ENTREP2: variants seen among roughly 807,000 people sequenced by gnomAD.
ENTREP2 encodes protein ENTREP2.
the ENTREP2 span, among the ~76,000 whole-genome samples, chr15:29,254,575 C>G: frequency 6.6e-6 from 1 of 151,150 alleles, no homozygotes; most frequent in Non-Finnish European, 1.5e-5. Flanking sequence ...AAGCTGATTC[C>G]CGGCCAGGCG....
the ENTREP2 span, among the ~76,000 whole-genome samples, chr15:29,153,203 T>A: frequency 1.3e-5 from 2 of 152,152 alleles, 1 homozygote; most frequent in African/African-American, 4.8e-5. Context: ...AGGTACTAGT[T>A]CTTTGTCAGA....
At chr15:29,402,576 C>T in the ENTREP2 span, among the ~76,000 whole-genome samples, 1 of 152,118 alleles carries the variant, frequency 6.6e-6, no homozygotes, top group Non-Finnish European at 1.5e-5. Flanking sequence ...TCCCAAAGTG[C>T]TGAGATTAAA....
the ENTREP2 span, among the ~76,000 whole-genome samples, chr15:29,456,160 G>T: frequency 6.6e-6 from 1 of 152,084 alleles, no homozygotes; most frequent in Non-Finnish European, 1.5e-5. Context: ...TGCCCAAAAG[G>T]CTGGAGACTG....
chr15:29,524,083 AAGAC>A, the ENTREP2 span, among the ~76,000 whole-genome samples: 1 of 152,194 alleles, frequency 6.6e-6, no homozygotes, highest in African/African-American at 2.4e-5. Flanking sequence ...TCAAGAAAGA[AAGAC>A]AATCTACAAA....
At chr15:29,581,548 C>T in the ENTREP2 span, among the ~76,000 whole-genome samples, 2 of 152,056 alleles carry the variant, frequency 1.3e-5, no homozygotes, top group Non-Finnish European at 2.9e-5. Flanking sequence ...AAAGTTGACA[C>T]AAAATTAATC....
At chr15:29,431,436 G>T in the ENTREP2 span, among the ~76,000 whole-genome samples, 1 of 151,670 alleles carries the variant, frequency 6.6e-6, no homozygotes, top group African/African-American at 2.4e-5. Flanking sequence ...TCCTAAAACT[G>T]TAATTTTATT....
At chr15:29,544,096 C>A in the ENTREP2 span, among the ~76,000 whole-genome samples, 190 of 152,052 alleles carry the variant, frequency 1.2e-3, 1 homozygote, top group South Asian at 0.014. Context: ...GTATTCCATA[C>A]ATGTAAATAT....
chr15:29,668,267 C>T, the ENTREP2 span, among the ~76,000 whole-genome samples: 2 of 152,160 alleles, frequency 1.3e-5, no homozygotes, highest in Non-Finnish European at 2.9e-5. Context: ...TCCGGGGAAA[C>T]GCAACAGAAA....
At chr15:29,477,080 A>C in the ENTREP2 span, among the ~76,000 whole-genome samples, 1 of 152,212 alleles carries the variant, frequency 6.6e-6, no homozygotes, top group East Asian at 1.9e-4. Context: ...TACAGCAATA[A>C]ACATGAATGA....
At chr15:29,155,314 T>G in the ENTREP2 span, among the ~76,000 whole-genome samples, 15 of 150,878 alleles carry the variant, frequency 9.9e-5, no homozygotes, top group Admixed American at 3.3e-4. Flanking sequence ...GAAGAAGCGT[T>G]AGGCAGAACC....
At chr15:29,297,877 A>T in the ENTREP2 span, among the ~76,000 whole-genome samples, 1 of 152,236 alleles carries the variant, frequency 6.6e-6, no homozygotes, top group Middle Eastern at 3.2e-3. Context: ...AGACTTTAAA[A>T]AAATCCAACA....
At chr15:29,151,379 A>G in the ENTREP2 span, among the ~76,000 whole-genome samples, 1 of 152,184 alleles carries the variant, frequency 6.6e-6, no homozygotes, top group Admixed American at 6.5e-5. Context: ...CCCGGATTAA[A>G]AGAGAATTCT....
the ENTREP2 span, among the ~76,000 whole-genome samples, chr15:29,419,047 T>C: frequency 6.6e-6 from 1 of 152,104 alleles, no homozygotes; most frequent in African/African-American, 2.4e-5. Context: ...TATAGAAGAC[T>C]CTCATTTGAA....
At chr15:29,524,587 G>A in the ENTREP2 span, among the ~76,000 whole-genome samples, 59 of 152,314 alleles carry the variant, frequency 3.9e-4, no homozygotes, top group Admixed American at 1.6e-3. Context: ...GGAACCCAGC[G>A]ACTAGTGTTC....
At chr15:29,236,492 A>C in the ENTREP2 span, among the ~76,000 whole-genome samples, 1 of 151,948 alleles carries the variant, frequency 6.6e-6, no homozygotes, top group African/African-American at 2.4e-5. Context: ...AAAACATAAA[A>C]AAAAAAAGTA....
chr15:29,486,748 C>A, the ENTREP2 span, among the ~76,000 whole-genome samples: 2 of 151,970 alleles, frequency 1.3e-5, no homozygotes, highest in African/African-American at 4.8e-5. Flanking sequence ...CACAGATCAG[C>A]CTGAAGGATA....
At chr15:29,301,067 T>G in the ENTREP2 span, among the ~76,000 whole-genome samples, 1 of 150,574 alleles carries the variant, frequency 6.6e-6, no homozygotes, top group Non-Finnish European at 1.5e-5. Context: ...GATGCCTTAC[T>G]TTTCCATTTA....
chr15:29,337,579 G>A, the ENTREP2 span, among the ~76,000 whole-genome samples: 1 of 152,310 alleles, frequency 6.6e-6, no homozygotes, highest in South Asian at 2.1e-4. Context: ...CCTAGAGAGC[G>A]TGGTCCAAGA....
the ENTREP2 span, among the ~76,000 whole-genome samples, chr15:29,156,111 T>C: frequency 0.038 from 5,749 of 152,192 alleles, 254 homozygotes; most frequent in African/African-American, 0.1. Flanking sequence ...ACTGAAGATG[T>C]GTGATGCTGG....
Sources: gnomAD v4.1 joint callset for allele counts (sites outside exome capture counted in the v4.1 genomes callset) on GRCh38, gnomAD v4.1.1 for gene constraint, MANE v1.5 for transcripts, NCBI Gene and HGNC (gene_info 2026-07-23, HGNC 2026-07-21) for gene names.